Variants in RPAP2 observed in about 807,000 individuals in gnomAD.
RPAP2 encodes putative RNA polymerase II subunit B1 CTD phosphatase RPAP2.
A neutral mutation model predicts 73.1 loss-of-function variants in RPAP2; 52 were observed. The ratio of observed to expected loss-of-function variants is 0.71; its 90% CI spans 0.57 to 0.90. The LOEUF is 0.90. Among genes scored for constraint, RPAP2 ranks in the 40% least tolerant of loss-of-function variants. The probability of loss-of-function intolerance (pLI) is 0.00; values close to 1 mark genes in which losing one functional copy is unlikely to be tolerated. For missense variants in RPAP2, 598 were observed against 701.8 expected, an observed-to-expected ratio of 0.85 and a Z score of 1.67; for synonymous variants, 225 against 242.1, an observed-to-expected ratio of 0.93 and a Z score of 0.65.
At chr1:92,343,080 G>C (rs1653687293) in intron 10 of RPAP2, among the ~76,000 whole-genome samples, 1 of 152,152 alleles carries the variant, frequency 6.6e-6, no homozygotes, top group Non-Finnish European at 1.5e-5. Flanking sequence ...GGGAAAGAGT[G>C]TTTGTTTATA....
At chr1:92,371,317 A>ATATATATATATATAT (rs1430055099) in intron 11 of RPAP2, among the ~76,000 whole-genome samples, 1 of 55,768 alleles carries the variant, frequency 1.8e-5, no homozygotes, top group African/African-American at 9.3e-5. Context: ...AAAAAAAAAA[A>ATATATATATATATAT]AAATATATAT....
In RPAP2 at chr1:92,323,783, G is replaced by A; in HGVS notation, c.863G>A (p.Cys288Tyr). The A allele has an allele frequency of 6.2e-7, 1 of 1,614,092 alleles. No homozygotes were observed. ...KLDSQEKDATCELPLQKVNTQ... is the reference protein window; with the variant it reads ...KLDSQEKDATYELPLQKVNTQ... ...GATAGTCAGGAGAAAGATGCTACAT[G>A]TGAACTTCCTTTACAGAAAGTAAAT... Residue 288 changes from cysteine to tyrosine, a missense_variant, in exon 8 of 13, where the codon TGT becomes TAT. By Grantham distance (194) the Cys-to-Tyr change is radical (BLOSUM62 -2). Transcript: ENST00000610020.
In RPAP2 at chr1:92,324,503, C is replaced by G. The variant is rs1652512482; in HGVS notation, c.1455+128C>G. ...TTTTCAAATAGTTTCTTTAGTCATT[C>G]TGCCTTTTGGTTTACAGTGCCATCT... On this transcript the variant is annotated intron_variant, in intron 8 of 12. Transcript: ENST00000610020. 5 of 747,958 alleles carry G rather than the reference C, an allele frequency of 6.7e-6. No homozygotes were observed. In the South Asian group the frequency reaches 1.0e-4, roughly 15 times the overall value. The allele number at this position is 747,958 out of a possible 1,614,324, so 46.3% of individuals were successfully genotyped here.
At chr1:92,312,127 C>T (rs929373319) in intron 6 of RPAP2, among the ~76,000 whole-genome samples, 1 of 152,142 alleles carries the variant, frequency 6.6e-6, no homozygotes, top group African/African-American at 2.4e-5. Flanking sequence ...AAATTGGAGT[C>T]CGGCCAGGAG....
intron 10 of RPAP2, among the ~76,000 whole-genome samples, chr1:92,343,880 G>T (rs1653735029): frequency 6.6e-6 from 1 of 152,140 alleles, no homozygotes; most frequent in African/African-American, 2.4e-5. Context: ...TTATTGCAAA[G>T]ATGACATAAG....
intron 11 of RPAP2, among the ~76,000 whole-genome samples, chr1:92,380,289 AAAC>A (rs1655573840): frequency 1.3e-5 from 2 of 152,094 alleles, no homozygotes; most frequent in African/African-American, 4.8e-5. Flanking sequence ...AAAAAAAAAA[AAAC>A]AAATAAAATT....
At chr1:92,343,119 C>T (rs1653690186) in intron 10 of RPAP2, among the ~76,000 whole-genome samples, 1 of 150,868 alleles carries the variant, frequency 6.6e-6, no homozygotes, top group Admixed American at 6.6e-5. Context: ...AGGCCAGAGG[C>T]CCTGGGACAC....
chr1:92,345,959 C>A (rs746419684), intron 11 of RPAP2, 45 bp downstream of exon 11: 1 of 1,319,462 alleles, frequency 7.6e-7, no homozygotes. Context: ...AAATGTGAAG[C>A]ATATTGATTA....
chr1:92,330,675 C>G (rs1652914807), intron 8 of RPAP2, among the ~76,000 whole-genome samples: 1 of 152,004 alleles, frequency 6.6e-6, no homozygotes, highest in East Asian at 1.9e-4. Flanking sequence ...TGGTCTCGAA[C>G]TCGTGAGCTC....
At chr1:92,342,397 A>T (rs904423446) in intron 10 of RPAP2, among the ~76,000 whole-genome samples, 3 of 152,158 alleles carry the variant, frequency 2.0e-5, no homozygotes, top group African/African-American at 7.2e-5. Flanking sequence ...GAGTAGAGAG[A>T]TATGTGGTCA....
intron 8 of RPAP2, among the ~76,000 whole-genome samples, chr1:92,326,927 T>G (rs1366349862): frequency 6.6e-6 from 1 of 152,140 alleles, no homozygotes; most frequent in African/African-American, 2.4e-5. Flanking sequence ...GCCTGTGGAG[T>G]CTGCACACCA....
chr1:92,321,098 A>C (rs1652228138), intron 7 of RPAP2, among the ~76,000 whole-genome samples: 1 of 151,908 alleles, frequency 6.6e-6, no homozygotes, highest in Admixed American at 6.5e-5. Flanking sequence ...TGTTTGCCTG[A>C]CCATGGCCAT....
intron 11 of RPAP2, among the ~76,000 whole-genome samples, chr1:92,375,804 C>G (rs963350611): frequency 6.6e-6 from 1 of 151,988 alleles, no homozygotes; most frequent in Non-Finnish European, 1.5e-5. Context: ...GCACCCCAGC[C>G]TGGGTGACAG....
rs535267779 is a variant in RPAP2 at position 92,398,235 on chromosome 1, T to C, written c.*11224T>C. ...GTGCTTAAGATGATGGAAACCCTAT[T>C]TATCCTGATGTGATTATTACACATT... On this transcript the variant is annotated 3_prime_UTR_variant, in exon 13 of 13. Transcript: ENST00000610020. The C allele has an allele frequency of 6.6e-6, 1 of 152,340 alleles. No homozygotes were observed. Among genetic ancestry groups the C allele is most frequent in the African/African-American group, 2.4e-5 (1 of 41,580 alleles). 9.4% of individuals were successfully genotyped at this position (152,340 alleles called of 1,614,324 possible).
At chr1:92,366,110 A>G (rs555321841) in intron 11 of RPAP2, among the ~76,000 whole-genome samples, 63 of 152,186 alleles carry the variant, frequency 4.1e-4, no homozygotes, top group Middle Eastern at 3.2e-3. Context: ...TCTAGCTCCA[A>G]TTTAGAAAGT....
intron 12 of RPAP2, among the ~76,000 whole-genome samples, chr1:92,383,460 A>C (rs1312628938): frequency 6.6e-6 from 1 of 151,986 alleles, no homozygotes; most frequent in Non-Finnish European, 1.5e-5. Flanking sequence ...AGTGGTTTGT[A>C]GTTCTCCTTG....
rs1656115704 is a variant in RPAP2, at chr1:92,393,858, A to C, written c.*6847A>C. The C allele has an allele frequency of 6.6e-6, 1 of 152,186 alleles. No homozygotes were observed. Among genetic ancestry groups the C allele is most frequent in the South Asian group, 2.1e-4 (1 of 4,832 alleles). The allele number at this position is 152,186 out of a possible 1,614,324, so 9.4% of individuals were successfully genotyped here. A position where few individuals can be genotyped will look rare whatever the true frequency, so the allele number is the denominator to read the frequency against. On this transcript the variant is annotated 3_prime_UTR_variant, in exon 13 of 13. Transcript: ENST00000610020. Reference sequence around the variant, plus strand: ...CTGGAGAGGTTGTGGAAAAATTGGAACGCTTTTACACTGTTGGTGGGAGTG... The same window carrying C: ...CTGGAGAGGTTGTGGAAAAATTGGACCGCTTTTACACTGTTGGTGGGAGTG...
rs936715906 is a variant in RPAP2 at position 92,400,242 on chromosome 1, T to C, written c.*13231T>C. ...TTCCCTCCCCTTCACCCTGGCTTCC[T>C]TTGCAGAACAAGGGTCACCGCCAGA... On this transcript the variant is annotated 3_prime_UTR_variant, in exon 13 of 13. Transcript: ENST00000610020. 1 of 152,226 alleles carries C rather than the reference T, an allele frequency of 6.6e-6. No homozygotes were observed. Among genetic ancestry groups the C allele is most frequent in the Non-Finnish European group, 1.5e-5 (1 of 68,074 alleles). 9.4% of individuals were successfully genotyped at this position (152,226 alleles called of 1,614,324 possible). A position where few individuals can be genotyped will look rare whatever the true frequency, so the allele number is the denominator to read the frequency against.
intron 11 of RPAP2, among the ~76,000 whole-genome samples, chr1:92,346,169 GTT>G (rs11304679): frequency 3.6e-5 from 5 of 140,416 alleles, no homozygotes; most frequent in African/African-American, 2.6e-5. Context: ...TCTCTTTTTT[GTT>G]TTTTTTTTTT....
Sources: allele counts gnomAD v4.1 joint callset (sites outside exome capture counted in the v4.1 genomes callset), GRCh38; gene constraint gnomAD v4.1.1; transcripts MANE v1.5; gene names NCBI Gene and HGNC (gene_info 2026-07-23, HGNC 2026-07-21).